Variants in ATP6V0D2 observed in about 807,000 individuals in gnomAD.
The protein encoded by ATP6V0D2 is ATPase H+ transporting V0 subunit d2.
ATP6V0D2 carries 40 observed loss-of-function variants against 40.0 expected under a neutral mutation model. The ratio of observed to expected loss-of-function variants is 1.00; its 90% CI spans 0.78 to 1.30. ATP6V0D2 has a LOEUF of 1.30. Among genes scored for constraint, ATP6V0D2 ranks in the 50% most tolerant of loss-of-function variants. The pLI, the probability that ATP6V0D2 is intolerant of heterozygous loss-of-function variation, is 0.00. For missense variants in ATP6V0D2, 470 were observed against 423.1 expected, an observed-to-expected ratio of 1.11 and a Z score of -0.97; for synonymous variants, 179 against 156.3, an observed-to-expected ratio of 1.15 and a Z score of -1.08.
intron 1 of ATP6V0D2, among the ~76,000 whole-genome samples, chr8:86,106,572 G>A (rs1353880264): frequency 6.6e-6 from 1 of 152,084 alleles, no homozygotes; most frequent in African/African-American, 2.4e-5. Context: ...ACAAGAATTT[G>A]TTTTCCCTCT....
intron 6 of ATP6V0D2, among the ~76,000 whole-genome samples, chr8:86,150,616 G>A (rs1016450916): frequency 7.9e-5 from 12 of 152,056 alleles, no homozygotes; most frequent in African/African-American, 2.2e-4. Context: ...TCATATCAAC[G>A]TTATGTAAAA....
intron 2 of ATP6V0D2, among the ~76,000 whole-genome samples, chr8:86,128,003 GC>G (rs1299898831): frequency 6.6e-6 from 1 of 151,978 alleles, no homozygotes; most frequent in African/African-American, 2.4e-5. Flanking sequence ...GATCACTTGA[GC>G]CCAGCAATTA....
intron 2 of ATP6V0D2, among the ~76,000 whole-genome samples, chr8:86,138,530 G>A (rs917677870): frequency 3.9e-5 from 6 of 152,064 alleles, no homozygotes; most frequent in South Asian, 2.1e-4. Context: ...AGGGTATCCC[G>A]AGCAGAGCTT....
chr8:86,121,552 A>G (rs1197272127), intron 2 of ATP6V0D2, among the ~76,000 whole-genome samples: 1 of 151,012 alleles, frequency 6.6e-6, no homozygotes, highest in Non-Finnish European at 1.5e-5. Flanking sequence ...CCTGGGTGAC[A>G]GAGCAAGACT....
intron 1 of ATP6V0D2, among the ~76,000 whole-genome samples, chr8:86,103,907 C>T (rs1327726085): frequency 6.6e-6 from 1 of 152,086 alleles, no homozygotes; most frequent in Non-Finnish European, 1.5e-5. Flanking sequence ...CTCACTGCAA[C>T]CTCTGCCTCC....
At chr8:86,141,653 A>T in intron 4 of ATP6V0D2, 124 bp downstream of exon 4, 1 of 652,014 alleles carries the variant, frequency 1.5e-6, no homozygotes, top group Non-Finnish European at 2.5e-6. Context: ...GCATATTTGG[A>T]ATATAGCTTT....
At chr8:86,123,990 A>G (rs1322231212) in intron 2 of ATP6V0D2, among the ~76,000 whole-genome samples, 1 of 152,170 alleles carries the variant, frequency 6.6e-6, no homozygotes. Context: ...AACTTTGCAT[A>G]ATATTTAATT....
At chr8:86,106,293 T>C (rs1012812382) in intron 1 of ATP6V0D2, among the ~76,000 whole-genome samples, 1 of 152,020 alleles carries the variant, frequency 6.6e-6, no homozygotes, top group Non-Finnish European at 1.5e-5. Context: ...TCACCAAGCC[T>C]GGCTAACTTT....
At chr8:86,139,394 T>G in intron 2 of ATP6V0D2, 63 bp from the exon 3 acceptor site, 2 of 1,414,472 alleles carry the variant, frequency 1.4e-6, no homozygotes, top group Non-Finnish European at 1.9e-6. Context: ...TGTTTTTTAC[T>G]TGTGGGATGC....
At chr8:86,129,141 A>C (rs1380619746) in intron 2 of ATP6V0D2, among the ~76,000 whole-genome samples, 1 of 152,250 alleles carries the variant, frequency 6.6e-6, no homozygotes. Flanking sequence ...GATGCCAACC[A>C]TTCAAAGTTG....
intron 2 of ATP6V0D2, among the ~76,000 whole-genome samples, chr8:86,118,026 CTTTTTT>C (rs767761169): frequency 9.2e-6 from 1 of 108,470 alleles, no homozygotes; most frequent in African/African-American, 3.0e-5. Context: ...TTCTTTCTTT[CTTTTTT>C]TTTCTTTCTT....
intron 3 of ATP6V0D2, among the ~76,000 whole-genome samples, chr8:86,141,177 G>A (rs1008220432): frequency 5.9e-5 from 9 of 152,218 alleles, no homozygotes; most frequent in Non-Finnish European, 1.2e-4. Flanking sequence ...CCTCAGCTGT[G>A]TGGCTCAGTT....
chr8:86,128,645 G>A (rs148184997), intron 2 of ATP6V0D2, among the ~76,000 whole-genome samples: 181 of 152,204 alleles, frequency 1.2e-3, no homozygotes, highest in African/African-American at 4.1e-3. Flanking sequence ...TTTGAAGTTC[G>A]GATAACTTAA....
At chr8:86,115,674 T>C (rs1818583330) in intron 2 of ATP6V0D2, among the ~76,000 whole-genome samples, 1 of 151,976 alleles carries the variant, frequency 6.6e-6, no homozygotes, top group Non-Finnish European at 1.5e-5. Flanking sequence ...CCGGCCTCCA[T>C]CATATATTCT....
At chr8:86,116,984 T>C (rs569184182) in intron 2 of ATP6V0D2, among the ~76,000 whole-genome samples, 1 of 152,346 alleles carries the variant, frequency 6.6e-6, no homozygotes, top group East Asian at 1.9e-4. Context: ...GATCATTTCA[T>C]ATTTATTATT....
chr8:86,115,256 C>T (rs1818577783), intron 2 of ATP6V0D2, among the ~76,000 whole-genome samples: 2 of 151,738 alleles, frequency 1.3e-5, no homozygotes, highest in South Asian at 2.1e-4. Context: ...AAAATGATGG[C>T]GCTGCCTCAA....
At chr8:86,101,713 A>C (rs1441288576) in intron 1 of ATP6V0D2, among the ~76,000 whole-genome samples, 1 of 152,132 alleles carries the variant, frequency 6.6e-6, no homozygotes, top group Admixed American at 6.5e-5. Flanking sequence ...CAAAGACCTC[A>C]AGAATAAAGC....
In ATP6V0D2 at chr8:86,145,233, A is replaced by AAG. The variant is rs1181332154; in HGVS notation, c.639+2303_639+2304dup. On this transcript the variant is annotated intron_variant, in intron 5 of 7. Coordinates refer to ENST00000285393, the MANE Select transcript of ATP6V0D2 (RefSeq NM_152565.1). ...AAAGAAAGAAAGAAAGAAAGAAAGA[A>AAG]AGAGAGAGAGAGAGAGAGAGAGAGA... Among the ~76,000 whole-genome samples the AAG allele has an allele frequency of 2.1e-3, 81 of 38,470 alleles. 2 individuals are homozygous for AAG. Among genetic ancestry groups the AAG allele is most frequent in the South Asian group, 3.8e-3 (4 of 1,052 alleles). The allele number at this position is 38,470 out of a possible 152,430, so 25.2% of individuals were successfully genotyped here. A position where few individuals can be genotyped will look rare whatever the true frequency, so the allele number is the denominator to read the frequency against.
intron 2 of ATP6V0D2, among the ~76,000 whole-genome samples, chr8:86,133,560 A>G (rs1008997571): frequency 6.6e-6 from 1 of 151,684 alleles, no homozygotes; most frequent in Non-Finnish European, 1.5e-5. Flanking sequence ...TGACCTTGTG[A>G]TACACCCACC....
Sources: gnomAD v4.1 joint callset for allele counts (sites outside exome capture counted in the v4.1 genomes callset) on GRCh38, gnomAD v4.1.1 for gene constraint, MANE v1.5 for transcripts, NCBI Gene and HGNC (gene_info 2026-07-23, HGNC 2026-07-21) for gene names.